The following L3MBTL3 variants were observed in gnomAD, a reference collection of about 807,000 sequenced individuals.
L3MBTL3 encodes lethal(3)malignant brain tumor-like protein 3.
A neutral mutation model predicts 102.3 loss-of-function variants in L3MBTL3; 27 were observed. The ratio of observed to expected loss-of-function variants is 0.26; its 90% CI spans 0.19 to 0.36. The LOEUF is 0.36. Among genes scored for constraint, L3MBTL3 ranks in the 10% least tolerant of loss-of-function variants. The pLI is 1.00. For synonymous variants in L3MBTL3, 340 were observed against 320.9 expected (o/e 1.06, Z -0.64); for missense variants, 798 against 955.3 (o/e 0.84, Z 2.17).
chr6:130,034,115 G>C (rs554702098), intron 2 of L3MBTL3, among the ~76,000 whole-genome samples: 2 of 152,110 alleles, frequency 1.3e-5, no homozygotes, highest in African/African-American at 4.8e-5. Context: ...AACCCAGCTC[G>C]TAGGAGTCCC....
intron 20 of L3MBTL3, among the ~76,000 whole-genome samples, chr6:130,123,457 GTTGTT>G (rs1786378825): frequency 6.6e-6 from 1 of 152,050 alleles, no homozygotes; most frequent in Non-Finnish European, 1.5e-5. Flanking sequence ...CATAAAATAA[GTTGTT>G]TTGAGAATTA....
rs1207060558 is a variant in L3MBTL3 at position 130,106,791 on chromosome 6, T to TA, written c.1886+2217dup. Among the ~76,000 whole-genome samples the TA allele has an allele frequency of 2.0e-5, 3 of 152,312 alleles. No individual in the cohort carries two copies. The East Asian group carries it at 5.8e-4, about 29-fold the overall frequency. ...CCCTTCTCCCTTCCTGTTGGTCTCT[T>TA]ATAAACCTTAACTTTGAGTGTAACC... is the stretch of plus-strand genomic sequence containing the variant. On this transcript the variant is annotated intron_variant, in intron 19 of 22. Transcript: ENST00000361794.
chr6:130,117,078 C>A (rs757921361), intron 19 of L3MBTL3, among the ~76,000 whole-genome samples: 2 of 137,536 alleles, frequency 1.5e-5, no homozygotes, highest in African/African-American at 2.7e-5. Flanking sequence ...CCCACTAACT[C>A]GTCATCTAGC....
intron 19 of L3MBTL3, among the ~76,000 whole-genome samples, chr6:130,112,143 A>G (rs139816505): frequency 3.4e-4 from 51 of 152,208 alleles, no homozygotes; most frequent in African/African-American, 9.9e-4. Flanking sequence ...CCTTCATTAC[A>G]TGCTTTCTCA....
chr6:130,108,342 C>T (rs533610778), intron 19 of L3MBTL3, among the ~76,000 whole-genome samples: 2 of 146,924 alleles, frequency 1.4e-5, no homozygotes, highest in African/African-American at 2.5e-5. Context: ...TCAAGGGATT[C>T]GCCTGCCTCA....
In L3MBTL3 at chr6:130,119,476, AAC is replaced by A. The variant is rs548693195; in HGVS notation, c.1887-1399_1887-1398del. 1.9e-4 allele frequency among the ~76,000 whole-genome samples: 29 copies of A among 152,330 alleles called. No individual in the cohort carries two copies. In the East Asian group the frequency reaches 5.2e-3, roughly 27 times the overall value. ...GCTGCAGCATTATTTTTACATAGAAAACACAATTTTTATCAATACTTCAACTA... is the reference window on the plus strand; with the variant it reads ...GCTGCAGCATTATTTTTACATAGAAAACAATTTTTATCAATACTTCAACTA... On this transcript the variant is annotated intron_variant, in intron 19 of 22. Coordinates refer to ENST00000361794, the MANE Select transcript of L3MBTL3 (RefSeq NM_032438.4).
In L3MBTL3 at chr6:130,032,680, C is replaced by T. The variant is rs180734089; in HGVS notation, c.-15-10005C>T. 6.1e-4 allele frequency among the ~76,000 whole-genome samples: 93 copies of T among 152,290 alleles called. 1 individual carries two copies. Among genetic ancestry groups the T allele is most frequent in the Non-Finnish European group, 2.9e-5 (2 of 68,030 alleles). On this transcript the variant is annotated intron_variant, in intron 2 of 22. Coordinates refer to ENST00000361794, the MANE Select transcript of L3MBTL3 (RefSeq NM_032438.4). ...GTTCTGTTATTCTTTGCATTTTACA[C>T]ATGGGGAAATTGAGACTTCAAGAGA...
intron 8 of L3MBTL3, among the ~76,000 whole-genome samples, chr6:130,055,657 CCTCCCTCT>C (rs1180737881): frequency 3.3e-5 from 1 of 30,276 alleles, no homozygotes; most frequent in Admixed American, 5.3e-4. Context: ...TCTCTCCCTC[CCTCCCTCT>C]CTCTCCCTCC....
At chr6:130,093,364 T>G (rs1029590230) in intron 17 of L3MBTL3, among the ~76,000 whole-genome samples, 4 of 152,166 alleles carry the variant, frequency 2.6e-5, no homozygotes, top group Non-Finnish European at 5.9e-5. Flanking sequence ...ACCACGGCCT[T>G]AATTTTGGAG....
chr6:130,048,416 A>G (rs1165931806), intron 3 of L3MBTL3, among the ~76,000 whole-genome samples: 4 of 152,190 alleles, frequency 2.6e-5, no homozygotes, highest in Non-Finnish European at 5.9e-5. Context: ...AGTAAACCTC[A>G]CTGTTTCAGA....
At chr6:130,108,835 C>T (rs1479662367) in intron 19 of L3MBTL3, among the ~76,000 whole-genome samples, 1 of 152,096 alleles carries the variant, frequency 6.6e-6, no homozygotes, top group Non-Finnish European at 1.5e-5. Flanking sequence ...ACTATTTGTG[C>T]TAATGCTCTC....
chr6:130,135,916 T>G (rs539514287), intron 22 of L3MBTL3, among the ~76,000 whole-genome samples: 2 of 152,330 alleles, frequency 1.3e-5, no homozygotes, highest in East Asian at 3.9e-4. Context: ...AAGTAAACCA[T>G]AGTACAAATC....
At chr6:130,022,893 G>T (rs1584263533) in intron 2 of L3MBTL3, among the ~76,000 whole-genome samples, 1 of 152,180 alleles carries the variant, frequency 6.6e-6, no homozygotes, top group Admixed American at 6.5e-5. Flanking sequence ...TACAGCTGTT[G>T]TCTACTAAGA....
At chr6:130,088,752 A>G (rs1392201883) in intron 16 of L3MBTL3, among the ~76,000 whole-genome samples, 1 of 152,124 alleles carries the variant, frequency 6.6e-6, no homozygotes, top group East Asian at 1.9e-4. Context: ...TAATTTTCTA[A>G]AATATTACCT....
intron 10 of L3MBTL3, among the ~76,000 whole-genome samples, chr6:130,063,356 C>G (rs1349330692): frequency 6.6e-6 from 1 of 152,028 alleles, no homozygotes; most frequent in Admixed American, 6.6e-5. Flanking sequence ...TTGAAAAGAC[C>G]ACAGTGAAGA....
At chr6:130,057,048 T>C (rs570485750) in intron 8 of L3MBTL3, among the ~76,000 whole-genome samples, 1 of 152,344 alleles carries the variant, frequency 6.6e-6, no homozygotes, top group Non-Finnish European at 1.5e-5. Context: ...CACTGGCCTT[T>C]CCACAGTCCT....
At chr6:130,090,357 G>A (rs925270564) in intron 16 of L3MBTL3, among the ~76,000 whole-genome samples, 4 of 152,050 alleles carry the variant, frequency 2.6e-5, no homozygotes, top group African/African-American at 7.2e-5. Context: ...AATTAATGTC[G>A]TTTAAGTGCT....
rs1202620547 is a variant in L3MBTL3, at chr6:130,133,496, G to C, written c.2011G>C (p.Ala671Pro). 1 of 1,614,154 alleles carries C rather than the reference G, an allele frequency of 6.2e-7. No homozygotes were observed. Among genetic ancestry groups the C allele is most frequent in the Admixed American group, 1.7e-5 (1 of 60,032 alleles). Reference sequence around the variant, plus strand: ...CGTCCAGCAGGCACAGCGTCGGTCAGCTGTCTTTCTGTCCTTTAAGTCCCC... The same window carrying C: ...CGTCCAGCAGGCACAGCGTCGGTCACCTGTCTTTCTGTCCTTTAAGTCCCC... ...PTVQQAQRRSAVFLSFKSPIP... is the reference protein window; with the variant it reads ...PTVQQAQRRSPVFLSFKSPIP... Residue 671 changes from alanine to proline, a missense_variant, in exon 21 of 23, where the codon GCT becomes CCT. Ala to Pro is a conservative substitution (Grantham distance 27). Around this residue, in one of 4 missense-constraint regions of L3MBTL3, gnomAD observed 306 missense variants for 314.4 expected, o/e 0.97. Transcript: ENST00000361794. This position sits in a 1 kb window ranked among gnomAD's most constrained non-coding sequence, Gnocchi z 4.9.
chr6:130,086,294 G>A (rs937359990), intron 16 of L3MBTL3, 44 bp downstream of exon 16: 4 of 1,302,814 alleles, frequency 3.1e-6, no homozygotes, highest in Non-Finnish European at 4.3e-6. Context: ...TTTGTTATAA[G>A]ATGTTTTAGA....
Sources: gnomAD v4.1 joint callset for allele counts (sites outside exome capture counted in the v4.1 genomes callset) on GRCh38, gnomAD v4.1.1 for gene constraint, gnomAD v4.1.1 regional missense constraint, Gnocchi (gnomAD v3.1) non-coding constraint, MANE v1.5 for transcripts, NCBI Gene and HGNC (gene_info 2026-07-23, HGNC 2026-07-21) for gene names.